Variants in FILIP1L observed in about 807,000 individuals in gnomAD.
FILIP1L encodes filamin A-interacting protein 1-like.
A neutral mutation model predicts 96.6 loss-of-function variants in FILIP1L; 55 were observed. The observed-to-expected ratio is 0.57, with a 90% CI of 0.46 to 0.71. FILIP1L has a LOEUF of 0.71. Ranked by LOEUF, FILIP1L falls within the 30% of genes least tolerant of loss-of-function variation. The pLI is 0.00. For synonymous variants in FILIP1L, 467 were observed against 473.9 expected (o/e 0.99, Z 0.19); for missense variants, 1,304 against 1,321.2 (o/e 0.99, Z 0.20).
chr3:99,928,464 A>G (rs1156236754), intron 3 of FILIP1L, among the ~76,000 whole-genome samples: 1 of 152,236 alleles, frequency 6.6e-6, no homozygotes, highest in East Asian at 1.9e-4. Context: ...GGAGTAATCA[A>G]AAAAGGCTGG....
intron 4 of FILIP1L, among the ~76,000 whole-genome samples, chr3:99,910,086 A>C (rs1176974168): frequency 2.9e-5 from 4 of 136,228 alleles, no homozygotes; most frequent in African/African-American, 1.0e-4. Context: ...TTCAAGTATA[A>C]TATTAGGTAT....
chr3:99,885,418 A>G (rs779785752), intron 4 of FILIP1L, among the ~76,000 whole-genome samples: 4 of 152,242 alleles, frequency 2.6e-5, no homozygotes, highest in East Asian at 1.9e-4. Flanking sequence ...TTACTAGACT[A>G]TGCCCCTTAG....
intron 1 of FILIP1L, among the ~76,000 whole-genome samples, chr3:100,063,902 T>C (rs187977126): frequency 1.3e-5 from 2 of 152,354 alleles, no homozygotes; most frequent in Admixed American, 1.3e-4. Flanking sequence ...TAATCAAATG[T>C]TAAAATCTCT....
intron 1 of FILIP1L, among the ~76,000 whole-genome samples, chr3:100,033,062 CAA>C (rs879385600): frequency 3.4e-5 from 4 of 118,932 alleles, no homozygotes; most frequent in Non-Finnish European, 3.7e-5. Context: ...ACATGGTAAC[CAA>C]AAAAAAAAAA....
intron 1 of FILIP1L, among the ~76,000 whole-genome samples, chr3:100,104,070 G>A (rs921689811): frequency 7.2e-5 from 11 of 152,148 alleles, no homozygotes; most frequent in African/African-American, 2.7e-4. Context: ...ACTGAGGAGA[G>A]GTGACTTTTC....
chr3:100,027,114 G>A (rs1016894314), intron 1 of FILIP1L, among the ~76,000 whole-genome samples: 3 of 152,028 alleles, frequency 2.0e-5, no homozygotes, highest in Non-Finnish European at 2.9e-5. Context: ...CCTTGGACAC[G>A]CTATCTAAAC....
chr3:99,982,846 C>T (rs1206864208), intron 1 of FILIP1L, among the ~76,000 whole-genome samples: 4 of 152,084 alleles, frequency 2.6e-5, no homozygotes, highest in African/African-American at 9.7e-5. Flanking sequence ...GTAATTTATG[C>T]AGCAATAAAA....
chr3:99,876,210 A>G, intron 4 of FILIP1L: 1 of 985,382 alleles, frequency 1.0e-6, no homozygotes, highest in Admixed American at 6.1e-5. Flanking sequence ...TATGGGCGTT[A>G]CGTCACTGTT....
intron 1 of FILIP1L, among the ~76,000 whole-genome samples, chr3:100,038,689 C>T (rs561861638): frequency 4.4e-4 from 67 of 152,208 alleles, no homozygotes; most frequent in African/African-American, 1.5e-3. Flanking sequence ...TTAAAGGACA[C>T]GATCTCAGTC....
intron 1 of FILIP1L, among the ~76,000 whole-genome samples, chr3:100,044,385 A>AG (rs2065249368): frequency 1.3e-5 from 2 of 152,278 alleles, no homozygotes; most frequent in African/African-American, 4.8e-5. Flanking sequence ...TAATCTGTCA[A>AG]GGGGGGCAGT....
chr3:99,950,423 G>A (rs1271996328), intron 1 of FILIP1L, among the ~76,000 whole-genome samples: 2 of 152,152 alleles, frequency 1.3e-5, no homozygotes, highest in East Asian at 3.8e-4. Flanking sequence ...GTTGCCCAAA[G>A]CCACAAAGTT....
intron 1 of FILIP1L, among the ~76,000 whole-genome samples, chr3:100,023,682 C>G (rs542929883): frequency 6.6e-6 from 1 of 151,878 alleles, no homozygotes; most frequent in Non-Finnish European, 1.5e-5. Flanking sequence ...ATGGAGTTGG[C>G]CTCATATAAA....
At chr3:99,957,610 C>T (rs1414549558) in intron 1 of FILIP1L, among the ~76,000 whole-genome samples, 1 of 150,518 alleles carries the variant, frequency 6.6e-6, no homozygotes, top group Admixed American at 6.6e-5. Flanking sequence ...CTATGAACCT[C>T]TGCAGAGTAG....
chr3:99,893,441 A>G (rs1706155118), intron 4 of FILIP1L, among the ~76,000 whole-genome samples: 1 of 152,160 alleles, frequency 6.6e-6, no homozygotes, highest in African/African-American at 2.4e-5. Flanking sequence ...CTGGGATTAC[A>G]GGCTTGAGCC....
At chr3:99,983,771 T>C (rs1709245261) in intron 1 of FILIP1L, among the ~76,000 whole-genome samples, 1 of 150,646 alleles carries the variant, frequency 6.6e-6, no homozygotes. Context: ...CAATATTCCA[T>C]GTAACTCTAC....
rs180967306 is a variant in FILIP1L at position 99,967,931 on chromosome 3, T to C, written c.-10-36901A>G. ...TTACAAATAGATAAGTGCAACGGTA[T>C]GTGGGAGTGTCAGAAAAGCATCACA... On this transcript the variant is annotated intron_variant, in intron 1 of 5. Transcript: ENST00000477258. Among the ~76,000 whole-genome samples the C allele has an allele frequency of 4.1e-4, 63 of 152,290 alleles. No homozygotes were observed. The East Asian group carries it at 0.01, about 25-fold the overall frequency.
At chr3:100,109,176 T>G (rs1181165285) in intron 1 of FILIP1L, among the ~76,000 whole-genome samples, 1 of 152,062 alleles carries the variant, frequency 6.6e-6, no homozygotes, top group East Asian at 1.9e-4. Context: ...ACTCTATTAA[T>G]CATTTTTTAA....
intron 1 of FILIP1L, among the ~76,000 whole-genome samples, chr3:100,107,276 CT>C (rs1284396843): frequency 6.6e-6 from 1 of 152,086 alleles, no homozygotes; most frequent in Admixed American, 6.6e-5. Context: ...GCTGAAAAAA[CT>C]AGGTTATTTA....
intron 4 of FILIP1L, among the ~76,000 whole-genome samples, chr3:99,913,803 GA>G (rs994047606): frequency 5.3e-5 from 8 of 152,126 alleles, no homozygotes; most frequent in East Asian, 1.9e-4. Flanking sequence ...TTATTTTTAA[GA>G]AAAGAAAAAA....
Sources: gnomAD v4.1 joint callset for allele counts (sites outside exome capture counted in the v4.1 genomes callset) on GRCh38, gnomAD v4.1.1 for gene constraint, MANE v1.5 for transcripts, NCBI Gene and HGNC (gene_info 2026-07-23, HGNC 2026-07-21) for gene names.